Variants in LATS2 observed in about 807,000 individuals in gnomAD.
The protein encoded by LATS2 is large tumor suppressor kinase 2.
Under a neutral mutation model 76.0 loss-of-function variants are expected in LATS2, and 24 were observed. That is an observed-to-expected ratio of 0.32 (90% CI 0.23 to 0.44). The LOEUF (loss-of-function observed/expected upper bound fraction) is 0.44, where lower values mean the gene tolerates loss of function less well. Among genes scored for constraint, LATS2 ranks in the 20% least tolerant of loss-of-function variants. LATS2 has a pLI of 1.00. For synonymous variants in LATS2, 692 were observed against 635.4 expected (o/e 1.09, Z -1.34); for missense variants, 1,286 against 1,481.2 (o/e 0.87, Z 2.16).
intron 2 of LATS2, among the ~76,000 whole-genome samples, chr13:21,042,439 T>C (rs940522596): frequency 5.3e-5 from 8 of 152,216 alleles, no homozygotes; most frequent in Non-Finnish European, 8.8e-5. Context: ...CTTGAACTTA[T>C]AATTCCAGCA....
intron 2 of LATS2, among the ~76,000 whole-genome samples, chr13:21,039,572 T>C (rs1249696993): frequency 1.3e-5 from 2 of 152,206 alleles, no homozygotes; most frequent in Non-Finnish European, 2.9e-5. Flanking sequence ...GTGAGGGTTT[T>C]GGCTGGACTA....
intron 2 of LATS2, among the ~76,000 whole-genome samples, chr13:20,993,164 G>C (rs1383249070): frequency 6.6e-6 from 1 of 152,164 alleles, no homozygotes; most frequent in Non-Finnish European, 1.5e-5. Flanking sequence ...ACTCCGCAGA[G>C]AGAGATGCAG....
intron 2 of LATS2, among the ~76,000 whole-genome samples, chr13:21,022,637 G>A (rs1872115948): frequency 6.6e-6 from 1 of 152,132 alleles, no homozygotes; most frequent in Non-Finnish European, 1.5e-5. Flanking sequence ...TTGTCAGAGT[G>A]CTTTTAGGAA....
intron 2 of LATS2, among the ~76,000 whole-genome samples, chr13:21,032,535 G>C (rs777926713): frequency 3.8e-4 from 58 of 152,232 alleles, no homozygotes; most frequent in Non-Finnish European, 7.4e-4. Context: ...CAAAGTGCTG[G>C]GATTATAGGG....
intron 2 of LATS2, among the ~76,000 whole-genome samples, chr13:20,997,047 C>G (rs1042004587): frequency 6.6e-6 from 1 of 152,036 alleles, no homozygotes; most frequent in East Asian, 1.9e-4. Context: ...GGGTGGTGGC[C>G]CTGGACCAGA....
At chr13:21,045,584 G>A in intron 2 of LATS2, 101 bp downstream of exon 2, 1 of 832,140 alleles carries the variant, frequency 1.2e-6, no homozygotes, top group Non-Finnish European at 1.9e-6. Context: ...TGTATAAGTA[G>A]TAACCAATTC....
intron 2 of LATS2, among the ~76,000 whole-genome samples, chr13:21,007,914 C>G (rs1241827062): frequency 1.3e-5 from 2 of 148,364 alleles, no homozygotes; most frequent in Admixed American, 6.8e-5. Context: ...TGCGAATCAT[C>G]ACAACCGACT....
At chr13:21,054,909 A>AT (rs1873402988) in intron 1 of LATS2, among the ~76,000 whole-genome samples, 3 of 152,076 alleles carry the variant, frequency 2.0e-5, no homozygotes, top group South Asian at 2.1e-4. Context: ...AGCTGTTCTG[A>AT]TTTTTTCTCC....
At chr13:21,025,241 A>G (rs1285143184) in intron 2 of LATS2, among the ~76,000 whole-genome samples, 1 of 151,604 alleles carries the variant, frequency 6.6e-6, no homozygotes, top group Non-Finnish European at 1.5e-5. Flanking sequence ...AAAATACAAA[A>G]ATTAGACGGG....
intron 2 of LATS2, among the ~76,000 whole-genome samples, chr13:21,042,118 TAA>T (rs1872899457): frequency 6.6e-6 from 1 of 152,210 alleles, no homozygotes; most frequent in Non-Finnish European, 1.5e-5. Flanking sequence ...GCTCCTCCCA[TAA>T]GAAATATTAA....
chr13:21,030,988 T>C (rs1872514404), intron 2 of LATS2, among the ~76,000 whole-genome samples: 1 of 152,234 alleles, frequency 6.6e-6, no homozygotes, highest in Admixed American at 6.5e-5. Flanking sequence ...TTGCTAGATA[T>C]AAAATTCTCG....
rs766346109 is a variant in LATS2 at position 20,988,650 on chromosome 13, C to T, written c.1130G>A (p.Arg377His). ...VQQWPAATLA[R>H]RDSLQKPGLE... is the part of the protein sequence containing the mutation. Reference sequence around the variant, plus strand: ...GCCCGGCTTCTGCAGGGAGTCCCGGCGGGCCAGGGTGGCAGCCGGCCACTG... The same window carrying T: ...GCCCGGCTTCTGCAGGGAGTCCCGGTGGGCCAGGGTGGCAGCCGGCCACTG... The change falls in exon 4 of 8, where the codon CGC becomes CAC. Residue 377 changes from arginine (R) to histidine (H), a missense_variant. Transcript: ENST00000382592. The T allele has an allele frequency of 1.3e-6, 2 of 1,581,366 alleles. No individual in the cohort carries two copies. The highest frequency in any genetic ancestry group is 1.1e-5 in the South Asian group (1 of 88,498).
intron 6 of LATS2, among the ~76,000 whole-genome samples, chr13:20,981,115 C>T (rs552115382): frequency 2.0e-5 from 3 of 152,086 alleles, no homozygotes; most frequent in Admixed American, 6.5e-5. Context: ...AGCTAGAGCC[C>T]GGAAATGTGT....
intron 2 of LATS2, among the ~76,000 whole-genome samples, chr13:21,008,539 C>A (rs1166384098): frequency 6.6e-6 from 1 of 152,070 alleles, no homozygotes; most frequent in Non-Finnish European, 1.5e-5. Flanking sequence ...GAACATTTCC[C>A]AAGTTCATAA....
rs1407685302 is a variant in LATS2 at position 20,975,109 on chromosome 13, G to A, written c.3028C>T (p.Pro1010Ser). 4.3e-6 allele frequency: 7 copies of A among 1,614,118 alleles called. No homozygotes were observed. Among genetic ancestry groups the A allele is most frequent in the South Asian group, 1.1e-5 (1 of 91,090 alleles). Residue 1010 changes from proline to serine, a missense_variant, in exon 8 of 8, where the codon CCT becomes TCT. Physicochemically the swap from Pro to Ser is moderately conservative, Grantham distance 74 (BLOSUM62 -1). This residue lies in a region of LATS2 where 210 missense variants were observed against 234.9 expected (regional missense o/e 0.89). Coordinates refer to ENST00000382592, the MANE Select transcript of LATS2 (RefSeq NM_014572.3). ...SNFDPVDEESPWNDASEGSTK... is the reference protein window; with the variant it reads ...SNFDPVDEESSWNDASEGSTK... Reference sequence around the variant, plus strand: ...CTACCTTCGCTGGCATCGTTCCAAGGGCTTTCTTCATCTACGGGGTCGAAA... The same window carrying A: ...CTACCTTCGCTGGCATCGTTCCAAGAGCTTTCTTCATCTACGGGGTCGAAA...
At chr13:20,981,400 C>T (rs1565941814) in intron 6 of LATS2, 66 bp downstream of exon 6, 23 of 1,439,394 alleles carry the variant, frequency 1.6e-5, no homozygotes, top group Non-Finnish European at 1.9e-5. Context: ...CTAGAGCCAG[C>T]GAGACTCAGC....
At chr13:21,013,602 C>T (rs996373411) in intron 2 of LATS2, among the ~76,000 whole-genome samples, 1 of 152,124 alleles carries the variant, frequency 6.6e-6, no homozygotes, top group African/African-American at 2.4e-5. Flanking sequence ...TATGTTGGAA[C>T]GTTCTCTTTA....
At chr13:21,039,218 G>A (rs983188467) in intron 2 of LATS2, among the ~76,000 whole-genome samples, 6 of 152,100 alleles carry the variant, frequency 3.9e-5, no homozygotes, top group African/African-American at 1.2e-4. Flanking sequence ...TTACATGACC[G>A]ACATTCCTAA....
chr13:20,997,573 T>G (rs1013331972), intron 2 of LATS2, among the ~76,000 whole-genome samples: 1 of 152,224 alleles, frequency 6.6e-6, no homozygotes, highest in Non-Finnish European at 1.5e-5. Context: ...CACCATTTAA[T>G]GATCTTCTCT....
Sources: allele counts gnomAD v4.1 joint callset (sites outside exome capture counted in the v4.1 genomes callset), GRCh38; gene constraint gnomAD v4.1.1; regional missense constraint gnomAD v4.1.1; transcripts MANE v1.5; gene names NCBI Gene and HGNC (gene_info 2026-07-23, HGNC 2026-07-21).